The following KLF12 variants were observed in gnomAD, a reference collection of about 807,000 sequenced individuals.
KLF12 encodes KLF transcription factor 12.
KLF12 carries 9 observed loss-of-function variants against 37.8 expected under a neutral mutation model. That is an observed-to-expected ratio of 0.24 (90% CI 0.14 to 0.42). KLF12 has a LOEUF of 0.42. Among genes scored for constraint, KLF12 ranks in the 10% least tolerant of loss-of-function variants. The probability of loss-of-function intolerance (pLI) is 1.00; values close to 1 mark genes in which losing one functional copy is unlikely to be tolerated. For missense variants in KLF12, 411 were observed against 516.0 expected, an observed-to-expected ratio of 0.80 and a Z score of 1.97; for synonymous variants, 208 against 202.1, an observed-to-expected ratio of 1.03 and a Z score of -0.25.
chr13:73,897,652 G>A (rs377442143), intron 3 of KLF12, among the ~76,000 whole-genome samples: 16 of 152,062 alleles, frequency 1.1e-4, no homozygotes, highest in African/African-American at 3.9e-4. Flanking sequence ...CTTCACACCT[G>A]TTACACATCC....
the KLF12 span, among the ~76,000 whole-genome samples, chr13:74,287,391 A>AGAGAGAGAGAGG: frequency 6.6e-6 from 1 of 151,386 alleles, no homozygotes; most frequent in Non-Finnish European, 1.5e-5. Context: ...AGAGAGAGAG[A>AGAGAGAGAGAGG]GAGAATCCAC....
intron 1 of KLF12, among the ~76,000 whole-genome samples, chr13:74,026,315 C>A (rs1892975282): frequency 6.6e-6 from 1 of 152,192 alleles, no homozygotes; most frequent in Middle Eastern, 3.4e-3. Flanking sequence ...GCAAATCAAC[C>A]TCTTTTTAGT....
intron 1 of KLF12, among the ~76,000 whole-genome samples, chr13:74,039,105 AT>A (rs893190228): frequency 7.6e-5 from 11 of 145,044 alleles, no homozygotes; most frequent in African/African-American, 2.7e-4. Context: ...TTATTTACGC[AT>A]TTTTTTCCTT....
At chr13:74,153,905 G>A in the KLF12 span, among the ~76,000 whole-genome samples, 4 of 152,000 alleles carry the variant, frequency 2.6e-5, no homozygotes, top group Non-Finnish European at 5.9e-5. Context: ...GTTCTAGATT[G>A]GATATGAACC....
intron 1 of KLF12, among the ~76,000 whole-genome samples, chr13:74,071,973 C>T (rs1424221978): frequency 6.6e-6 from 1 of 151,860 alleles, no homozygotes; most frequent in African/African-American, 2.4e-5. Flanking sequence ...CCTCCCCAAC[C>T]CCCCCACCTG....
intron 3 of KLF12, among the ~76,000 whole-genome samples, chr13:73,850,283 C>G (rs1179639605): frequency 6.6e-6 from 1 of 152,210 alleles, no homozygotes; most frequent in African/African-American, 2.4e-5. Context: ...TTTGAGTGAT[C>G]TGGAAATTAC....
the KLF12 span, among the ~76,000 whole-genome samples, chr13:74,183,201 A>G: frequency 1.3e-5 from 2 of 152,172 alleles, no homozygotes; most frequent in East Asian, 3.8e-4. Flanking sequence ...ACAAAGATGA[A>G]TATGACATAT....
intron 1 of KLF12, among the ~76,000 whole-genome samples, chr13:74,038,426 T>C (rs937687245): frequency 3.9e-5 from 6 of 152,210 alleles, no homozygotes; most frequent in Admixed American, 6.5e-5. Context: ...TGATATGATC[T>C]TTGATCTGGA....
chr13:74,225,192 T>G, the KLF12 span, among the ~76,000 whole-genome samples: 2 of 152,148 alleles, frequency 1.3e-5, no homozygotes, highest in African/African-American at 4.8e-5. Flanking sequence ...ACATGGATTA[T>G]GTATGTAGCC....
intron 6 of KLF12, among the ~76,000 whole-genome samples, chr13:73,747,541 T>C (rs763448689): frequency 2.0e-4 from 30 of 152,212 alleles, no homozygotes; most frequent in Non-Finnish European, 3.8e-4. Flanking sequence ...AGCTAGTAGA[T>C]TACATAATTA....
Position 73,764,786 on chromosome 13 carries a change from C to T in KLF12, c.869+152G>A, listed in dbSNP as rs150037969. On this transcript the variant is annotated intron_variant, in intron 6 of 7. Coordinates refer to ENST00000377669, the MANE Select transcript of KLF12 (RefSeq NM_007249.5). ...AAAGGAACTCTATCAATATTTATTT[C>T]GAACTGTCCAGAGGAAAGGAAGACC... 5.1e-4 allele frequency: 226 copies of T among 441,730 alleles called. 2 individuals are homozygous for T. Among genetic ancestry groups the T allele is most frequent in the Admixed American group, 7.8e-4 (23 of 29,336 alleles). The allele number at this position is 441,730 out of a possible 1,614,324, so 27.4% of individuals were successfully genotyped here. A position where few individuals can be genotyped will look rare whatever the true frequency, so the allele number is the denominator to read the frequency against.
At chr13:73,976,897 G>T (rs540145405) in intron 2 of KLF12, among the ~76,000 whole-genome samples, 1 of 152,248 alleles carries the variant, frequency 6.6e-6, no homozygotes, top group South Asian at 2.1e-4. Context: ...GAAAGTGACA[G>T]AACCATCATT....
rs535245140 is a variant in KLF12 at position 73,964,241 on chromosome 13, T to A, written c.34-20171A>T. 5.3e-5 allele frequency among the ~76,000 whole-genome samples: 8 copies of A among 152,218 alleles called. No individual in the cohort carries two copies. In the East Asian group the frequency reaches 1.4e-3, roughly 26 times the overall value. Reference sequence around the variant, plus strand: ...CACACACCCACACCAACTACAGCCATGGATGCAGAGACATAAAGAGTCCAC... The same window carrying A: ...CACACACCCACACCAACTACAGCCAAGGATGCAGAGACATAAAGAGTCCAC... On this transcript the variant is annotated intron_variant, in intron 2 of 7. Transcript: ENST00000377669.
At chr13:73,849,931 C>T (rs1885246225) in intron 3 of KLF12, among the ~76,000 whole-genome samples, 1 of 152,024 alleles carries the variant, frequency 6.6e-6, no homozygotes, top group Admixed American at 6.6e-5. Flanking sequence ...ATGCTAAAAC[C>T]CTCCTTCTAA....
chr13:74,274,289 T>A, the KLF12 span, among the ~76,000 whole-genome samples: 34 of 152,304 alleles, frequency 2.2e-4, no homozygotes, highest in Non-Finnish European at 4.3e-4. Context: ...GACCTAAGGC[T>A]TATTTACATA....
intron 6 of KLF12, among the ~76,000 whole-genome samples, chr13:73,759,798 T>G (rs1226557583): frequency 6.6e-6 from 1 of 152,128 alleles, no homozygotes; most frequent in African/African-American, 2.4e-5. Context: ...GCCTTGAAGT[T>G]GGTAATTTGG....
At chr13:73,930,514 C>A (rs1414325179) in intron 3 of KLF12, among the ~76,000 whole-genome samples, 1 of 152,172 alleles carries the variant, frequency 6.6e-6, no homozygotes, top group Non-Finnish European at 1.5e-5. Flanking sequence ...TAAAAACCAT[C>A]ATTCATTTAA....
intron 2 of KLF12, among the ~76,000 whole-genome samples, chr13:73,982,362 C>G (rs1891708616): frequency 6.6e-6 from 1 of 152,036 alleles, no homozygotes; most frequent in African/African-American, 2.4e-5. Flanking sequence ...TTTTCTTGGT[C>G]CCATATGCAT....
At chr13:73,802,510 AG>A (rs1461172752) in intron 5 of KLF12, among the ~76,000 whole-genome samples, 3 of 152,112 alleles carry the variant, frequency 2.0e-5, no homozygotes. Flanking sequence ...AACAATGTGC[AG>A]ATTTGTTACC....
Sources: gnomAD v4.1 joint callset for allele counts (sites outside exome capture counted in the v4.1 genomes callset) on GRCh38, gnomAD v4.1.1 for gene constraint, MANE v1.5 for transcripts, NCBI Gene and HGNC (gene_info 2026-07-23, HGNC 2026-07-21) for gene names.